The following UBE2E1 variants were observed in gnomAD, a reference collection of about 807,000 sequenced individuals.
UBE2E1 encodes the protein ubiquitin-conjugating enzyme E2 E1.
UBE2E1 carries 6 observed loss-of-function variants against 21.4 expected under a neutral mutation model. The observed-to-expected ratio is 0.28, with a 90% confidence interval of 0.15 to 0.55. The LOEUF (loss-of-function observed/expected upper bound fraction) is 0.55. Ranked by LOEUF, UBE2E1 falls within the 20% of genes least tolerant of loss-of-function variation. The pLI is 0.93. For synonymous variants in UBE2E1, 87 were observed against 82.7 expected (o/e 1.05, Z -0.28); for missense variants, 142 against 236.5 (o/e 0.60, Z 2.62).
chr3:23,829,773 C>T (rs1197464675), intron 3 of UBE2E1, among the ~76,000 whole-genome samples: 3 of 152,200 alleles, frequency 2.0e-5, no homozygotes, highest in African/African-American at 7.2e-5. Context: ...TCAGGCTTAG[C>T]TCACTACTTT....
intron 3 of UBE2E1, among the ~76,000 whole-genome samples, chr3:23,818,971 A>G (rs1217443447): frequency 2.0e-5 from 3 of 152,160 alleles, no homozygotes; most frequent in Non-Finnish European, 4.4e-5. Flanking sequence ...AGAAGCAAAT[A>G]TAGAGAGAAA....
Position 23,810,379 on chromosome 3 carries a change from A to T in UBE2E1, c.153-1081A>T, listed in dbSNP as rs1413889948. On this transcript the variant is annotated intron_variant, in intron 2 of 5. Coordinates refer to ENST00000306627, the MANE Select transcript of UBE2E1 (RefSeq NM_003341.5). This position sits in a 1 kb window ranked among gnomAD's most constrained non-coding sequence, Gnocchi z 5.8. ...AACTGCCTGGTGGCTTCGGCCTATG[A>T]GTGGGGGATGGGGCCCTTTGTGAAG... The T allele has an allele frequency of 1.3e-6, 2 of 1,512,614 alleles. No homozygotes were observed. Among genetic ancestry groups the T allele is most frequent in the Non-Finnish European group, 1.8e-6 (2 of 1,127,084 alleles). 93.7% of individuals were successfully genotyped at this position (1,512,614 alleles called of 1,614,324 possible).
intron 4 of UBE2E1, among the ~76,000 whole-genome samples, chr3:23,888,863 G>T (rs1367453407): frequency 6.6e-6 from 1 of 152,162 alleles, no homozygotes; most frequent in Non-Finnish European, 1.5e-5. Flanking sequence ...ATATTTAAAA[G>T]ATTTAAAATT....
intron 3 of UBE2E1, among the ~76,000 whole-genome samples, chr3:23,835,815 A>G (rs889976746): frequency 6.6e-6 from 1 of 152,200 alleles, no homozygotes; most frequent in African/African-American, 2.4e-5. Context: ...TGGTGAATTG[A>G]GACTGCATTA....
intron 3 of UBE2E1, among the ~76,000 whole-genome samples, chr3:23,882,395 T>C (rs780392334): frequency 1.3e-5 from 2 of 152,272 alleles, no homozygotes; most frequent in African/African-American, 4.8e-5. Context: ...TGCTGATTGG[T>C]ACATTTACAA....
chr3:23,852,917 G>T (rs894311012), intron 3 of UBE2E1, among the ~76,000 whole-genome samples: 17 of 141,956 alleles, frequency 1.2e-4, no homozygotes, highest in Non-Finnish European at 1.4e-4. Context: ...ATTTTGTTTT[G>T]TTTTTTTTTT....
chr3:23,879,359 AT>A, intron 3 of UBE2E1: 1 of 603,328 alleles, frequency 1.7e-6, no homozygotes. Context: ...TAGGTACAGT[AT>A]TTACAAATTC....
chr3:23,868,381 T>G (rs149232934), intron 3 of UBE2E1, among the ~76,000 whole-genome samples: 91 of 152,268 alleles, frequency 6.0e-4, no homozygotes, highest in African/African-American at 2.0e-3. Flanking sequence ...ACGATCTCAC[T>G]CACTGCAACC....
rs1423090701 is a variant in UBE2E1, at chr3:23,853,416, CTGTT to C, written c.204-34149_204-34146del. On this transcript the variant is annotated intron_variant, in intron 3 of 5. Coordinates refer to ENST00000306627, the MANE Select transcript of UBE2E1 (RefSeq NM_003341.5). The surrounding 1 kb of genome is among the most constrained non-coding windows in gnomAD (Gnocchi z 4.1). ...TTGGCTGTGGGTTTATCATTAGTGT[CTGTT>C]TAAGAGCCAAGCATTTTAATTTTGA... Among the ~76,000 whole-genome samples, 1 of 152,140 alleles carries C rather than the reference CTGTT, an allele frequency of 6.6e-6. No individual in the cohort carries two copies. The highest frequency in any genetic ancestry group is 1.5e-5 in the Non-Finnish European group (1 of 68,036).
At chr3:23,814,494 G>A (rs1699469012) in intron 3 of UBE2E1, among the ~76,000 whole-genome samples, 1 of 151,872 alleles carries the variant, frequency 6.6e-6, no homozygotes, top group Admixed American at 6.6e-5. Context: ...GTGTGTGTGT[G>A]TATATATATG....
rs1018523491 is a variant in UBE2E1 at position 23,807,162 on chromosome 3, T to C, written c.-33-75T>C. On this transcript the variant is annotated intron_variant, in intron 1 of 5. Coordinates refer to ENST00000306627, the MANE Select transcript of UBE2E1 (RefSeq NM_003341.5). ...CGTGCGCCCCTGGTCAATGCCCTCC[T>C]GACAGCACCCGAGTTCCTTATTTAC... 2.2e-6 allele frequency: 3 copies of C among 1,335,408 alleles called. No homozygotes were observed. The African/African-American group carries it at 4.4e-5, about 20-fold the overall frequency. The allele number at this position is 1,335,408 out of a possible 1,614,324, so 82.7% of individuals were successfully genotyped here.
At position 23,870,315 on chromosome 3, in the gene UBE2E1, CACTT is replaced by C. The variant is rs1294706787; in HGVS notation, c.204-17250_204-17247del. On this transcript the variant is annotated intron_variant, in intron 3 of 5. Transcript: ENST00000306627. This position sits in a 1 kb window ranked among gnomAD's most constrained non-coding sequence, Gnocchi z 4.2. ...AAAAAAGGAGCCAGTTGTGAAGTCA[CACTT>C]ATATCACTTTAGACTTAAATATCAC... 6.6e-6 allele frequency among the ~76,000 whole-genome samples: 1 copy of C among 152,168 alleles called. No homozygotes were observed. Among genetic ancestry groups the C allele is most frequent in the Non-Finnish European group, 1.5e-5 (1 of 68,036 alleles).
At position 23,842,716 on chromosome 3, in the gene UBE2E1, T is replaced by A. The variant is rs1559482628; in HGVS notation, c.203+31206T>A. ...GTGCGCTATTCGGTTTTTAAAAATTTTAATTTTGGTTTTTGAAGTCACACA... is the reference window on the plus strand; with the variant it reads ...GTGCGCTATTCGGTTTTTAAAAATTATAATTTTGGTTTTTGAAGTCACACA... On this transcript the variant is annotated intron_variant, in intron 3 of 5. Transcript: ENST00000306627. This position sits in a 1 kb window ranked among gnomAD's most constrained non-coding sequence, Gnocchi z 4.6. 6.6e-6 allele frequency among the ~76,000 whole-genome samples: 1 copy of A among 152,226 alleles called. No homozygotes were observed. The highest frequency in any genetic ancestry group is 1.5e-5 in the Non-Finnish European group (1 of 68,040).
chr3:23,861,471 C>T (rs1382259091), intron 3 of UBE2E1, among the ~76,000 whole-genome samples: 2 of 152,200 alleles, frequency 1.3e-5, no homozygotes, highest in Non-Finnish European at 1.5e-5. Context: ...GCTCCACCCC[C>T]GGGCCTGTGC....
chr3:23,883,019 G>C (rs374499654), intron 3 of UBE2E1, among the ~76,000 whole-genome samples: 1 of 152,198 alleles, frequency 6.6e-6, no homozygotes, highest in South Asian at 2.1e-4. Context: ...CCTCAAGCGC[G>C]GCCAGAGTGG....
chr3:23,831,317 A>G (rs1437792130), intron 3 of UBE2E1, among the ~76,000 whole-genome samples: 3 of 152,122 alleles, frequency 2.0e-5, no homozygotes, highest in Non-Finnish European at 2.9e-5. Flanking sequence ...CTGGCTGCCC[A>G]CAGCCTGCCT....
chr3:23,826,535 CAG>C (rs528934230), intron 3 of UBE2E1, among the ~76,000 whole-genome samples: 35 of 152,282 alleles, frequency 2.3e-4, no homozygotes, highest in Middle Eastern at 3.4e-3. Context: ...AGCTTGGAAA[CAG>C]GGAACCTCAG....
At position 23,863,430 on chromosome 3, in the gene UBE2E1, A is replaced by G. The variant is rs1021975292; in HGVS notation, c.204-24137A>G. 6.6e-6 allele frequency among the ~76,000 whole-genome samples: 1 copy of G among 152,060 alleles called. No homozygotes were observed. The highest frequency in any genetic ancestry group is 2.4e-5 in the African/African-American group (1 of 41,402). On this transcript the variant is annotated intron_variant, in intron 3 of 5. Coordinates refer to ENST00000306627, the MANE Select transcript of UBE2E1 (RefSeq NM_003341.5). This position sits in a 1 kb window ranked among gnomAD's most constrained non-coding sequence, Gnocchi z 4.3. Reference sequence around the variant, plus strand: ...CCCTCTGTGCCCTTCCCTACCCACTACATATATATACTTGTCACAAATTCA... The same window carrying G: ...CCCTCTGTGCCCTTCCCTACCCACTGCATATATATACTTGTCACAAATTCA...
At position 23,831,843 on chromosome 3, in the gene UBE2E1, C is replaced by T. The variant is rs186003023; in HGVS notation, c.203+20333C>T. 3.3e-5 allele frequency among the ~76,000 whole-genome samples: 5 copies of T among 152,098 alleles called. No homozygotes were observed. In the East Asian group the frequency reaches 9.6e-4, roughly 29 times the overall value. On this transcript the variant is annotated intron_variant, in intron 3 of 5. Coordinates refer to ENST00000306627, the MANE Select transcript of UBE2E1 (RefSeq NM_003341.5). Reference sequence around the variant, plus strand: ...TCCCAAATGCTGGAATTACAGGTGCCCGCCACTATGCCTGGATAATTTTTG... The same window carrying T: ...TCCCAAATGCTGGAATTACAGGTGCTCGCCACTATGCCTGGATAATTTTTG...
Sources: allele counts gnomAD v4.1 joint callset (sites outside exome capture counted in the v4.1 genomes callset), GRCh38; gene constraint gnomAD v4.1.1; non-coding constraint Gnocchi (gnomAD v3.1); transcripts MANE v1.5; gene names NCBI Gene and HGNC (gene_info 2026-07-23, HGNC 2026-07-21).